Variants in BRSK2 observed in about 807,000 individuals in gnomAD.
BRSK2 encodes BR serine/threonine kinase 2, also known as serine/threonine-protein kinase BRSK2.
In BRSK2, 19 loss-of-function variants were observed where a neutral mutation model predicts 83.3. The ratio of observed to expected loss-of-function variants is 0.23; its 90% confidence interval spans 0.16 to 0.33. The LOEUF (loss-of-function observed/expected upper bound fraction) is 0.33. Ranked by LOEUF, BRSK2 falls within the 10% of genes least tolerant of loss-of-function variation. The pLI, the probability that BRSK2 is intolerant of heterozygous loss-of-function variation, is 1.00. For synonymous variants in BRSK2, 519 were observed against 435.4 expected (o/e 1.19, Z -2.39); for missense variants, 798 against 1,042.3 (o/e 0.77, Z 3.23).
chr11:1,390,406 G>A lies in BRSK2; in HGVS notation c.91+31G>A. ...TGCGGCCGGGGCGGGGACCGGGGCCGGGGAGGCCGCGCTGGCAGCGCGCTG... is the reference window on the plus strand; with the variant it reads ...TGCGGCCGGGGCGGGGACCGGGGCCAGGGAGGCCGCGCTGGCAGCGCGCTG... On this transcript the variant is annotated intron_variant, in intron 1 of 19. Coordinates refer to ENST00000528841, the MANE Select transcript of BRSK2 (RefSeq NM_001256627.2). This position sits in a 1 kb window ranked among gnomAD's most constrained non-coding sequence, Gnocchi z 6.8. 5.0e-6 allele frequency: 5 copies of A among 1,003,276 alleles called. No homozygotes were observed. The highest frequency in any genetic ancestry group is 4.8e-6 in the Non-Finnish European group (4 of 834,822). 62.1% of individuals were successfully genotyped at this position (1,003,276 alleles called of 1,614,324 possible). A position where few individuals can be genotyped will look rare whatever the true frequency, so the allele number is the denominator to read the frequency against.
intron 19 of BRSK2, among the ~76,000 whole-genome samples, chr11:1,459,663 G>A (rs991838575): frequency 1.3e-5 from 2 of 152,224 alleles, no homozygotes; most frequent in Non-Finnish European, 2.9e-5. Flanking sequence ...CTTAGGAAGT[G>A]GGATTGAGGG....
chr11:1,424,136 C>T (rs912790125), intron 1 of BRSK2, among the ~76,000 whole-genome samples: 4 of 152,218 alleles, frequency 2.6e-5, no homozygotes, highest in Non-Finnish European at 4.4e-5. Flanking sequence ...ACCCCCACAT[C>T]CTCCAGCTGT....
chr11:1,435,180 G>A (rs544886892), intron 1 of BRSK2, among the ~76,000 whole-genome samples: 84 of 150,496 alleles, frequency 5.6e-4, no homozygotes, highest in Non-Finnish European at 9.6e-4. Flanking sequence ...ACACAGGGCC[G>A]GGGCTCAGGT....
intron 9 of BRSK2, 29 bp from the exon 10 acceptor site, chr11:1,445,265 T>G: frequency 6.3e-7 from 1 of 1,583,956 alleles, no homozygotes; most frequent in Non-Finnish European, 8.6e-7. Context: ...CCGGAGCTGA[T>G]GAGCGGGTGG....
At chr11:1,409,805 G>A (rs996545089) in intron 1 of BRSK2, 1 of 152,146 alleles carries the variant, frequency 6.6e-6, no homozygotes. Flanking sequence ...CGGAGACACA[G>A]GTTTTCTGAG....
Position 1,442,580 on chromosome 11 carries a change from C to T in BRSK2, c.504C>T (p.Gly168=), listed in dbSNP as rs765278899. The change falls in exon 5 of 20, where the codon GGC becomes GGT. Residue 168 remains glycine, a synonymous_variant. Coordinates refer to ENST00000528841, the MANE Select transcript of BRSK2 (RefSeq NM_001256627.2). ...ADFGMASLQV[G]DSLLETSCGS... ...TTGGCATGGCGTCCCTGCAGGTTGG[C>T]GACAGCCTGTTGGAGACCAGCTGTG... 3.1e-6 allele frequency: 5 copies of T among 1,612,528 alleles called. No individual in the cohort carries two copies. The highest frequency in any genetic ancestry group is 1.7e-5 in the Admixed American group (1 of 59,978).
chr11:1,393,376 G>T (rs1036788424), intron 1 of BRSK2, among the ~76,000 whole-genome samples: 1 of 152,178 alleles, frequency 6.6e-6, no homozygotes, highest in African/African-American at 2.4e-5. Flanking sequence ...TCGGGCCCTT[G>T]GAGCTGTTCT....
intron 1 of BRSK2, among the ~76,000 whole-genome samples, chr11:1,409,056 A>T (rs11025811): frequency 0.4 from 60,719 of 151,870 alleles, 12,878 homozygotes; most frequent in Non-Finnish European, 0.46. Flanking sequence ...CTGTACAGGG[A>T]TGTGTGTGTA....
chr11:1,445,106 T>C, intron 9 of BRSK2, 104 bp downstream of exon 9: 1 of 1,520,142 alleles, frequency 6.6e-7, no homozygotes, highest in Non-Finnish European at 9.1e-7. Context: ...GCGCAGGTCC[T>C]GCCCTGCCTT....
Position 1,449,807 on chromosome 11 carries a change from C to T in BRSK2, c.1258C>T (p.Leu420Phe). ...GTCCATCAGCGGTGCCTCCTCAGGC[C>T]TTTCCACCAGCCCACTCAGCAGCCC... ...SRSISGASSG[L>F]STSPLSSPRV... The change falls in exon 13 of 20, where the codon CTT becomes TTT. Residue 420 changes from leucine to phenylalanine, a missense_variant. Around this residue, in one of 6 missense-constraint regions of BRSK2, gnomAD observed 455 missense variants for 455.2 expected, o/e 1.00. Transcript: ENST00000528841. 1.2e-6 allele frequency: 2 copies of T among 1,612,262 alleles called. No homozygotes were observed. The highest frequency in any genetic ancestry group is 1.7e-6 in the Non-Finnish European group (2 of 1,179,544).
In BRSK2 at chr11:1,456,436, C is replaced by A; in HGVS notation, c.1757C>A (p.Pro586Gln). The A allele has an allele frequency of 6.3e-7, 1 of 1,593,344 alleles. No homozygotes were observed. Among genetic ancestry groups the A allele is most frequent in the Non-Finnish European group, 8.5e-7 (1 of 1,171,100 alleles). The change falls in exon 17 of 20, where the codon CCG (proline) becomes CAG (glutamine). Residue 586 changes from proline to glutamine, a missense_variant. Transcript: ENST00000528841. ...GGGGGGCCAGCCGTGTTCCAGAAGCCGGTCAAGTTCCAGGTTGATATCACC... is the reference window on the plus strand; with the variant it reads ...GGGGGGCCAGCCGTGTTCCAGAAGCAGGTCAAGTTCCAGGTTGATATCACC... ...ATGGPAVFQK[P>Q]VKFQVDITYT...
chr11:1,451,350 C>T (rs756391929), intron 14 of BRSK2, 21 bp from the exon 15 acceptor site: 135 of 1,612,732 alleles, frequency 8.4e-5, no homozygotes, highest in Non-Finnish European at 1.0e-4. Flanking sequence ...GCCTTTCCTC[C>T]TGTTCATCCT....
intron 1 of BRSK2, among the ~76,000 whole-genome samples, chr11:1,419,329 C>T (rs949510857): frequency 3.3e-5 from 5 of 152,172 alleles, no homozygotes; most frequent in South Asian, 2.1e-4. Context: ...GGCCCTGGGA[C>T]GTGATTCCCT....
At chr11:1,400,833 G>A (rs1469990651) in intron 1 of BRSK2, among the ~76,000 whole-genome samples, 1 of 152,214 alleles carries the variant, frequency 6.6e-6, no homozygotes, top group Non-Finnish European at 1.5e-5. Flanking sequence ...CAGGGCTAGG[G>A]CCCTTCCTGT....
rs368041258 is a variant in BRSK2 at position 1,425,304 on chromosome 11, T to TG, written c.92-10730dup. ...AGGCTGGGCTGGAGGGGCTGCTTCC[T>TG]GGGGGGTCCCGCAGGCTGTGTGGGG... On this transcript the variant is annotated intron_variant, in intron 1 of 19. Coordinates refer to ENST00000528841, the MANE Select transcript of BRSK2 (RefSeq NM_001256627.2). Among the ~76,000 whole-genome samples, 1,139 of 152,258 alleles carry TG rather than the reference T, an allele frequency of 7.5e-3. 14 individuals carry two copies. The highest frequency in any genetic ancestry group is 0.026 in the African/African-American group (1,081 of 41,546).
intron 4 of BRSK2, 96 bp from the exon 5 acceptor site, chr11:1,442,394 T>C (rs1851463130): frequency 3.4e-6 from 3 of 877,000 alleles, no homozygotes; most frequent in Non-Finnish European, 3.8e-6. Flanking sequence ...GATTGGCGTT[T>C]GGAGAGGCAG....
intron 1 of BRSK2, among the ~76,000 whole-genome samples, chr11:1,392,772 AT>A (rs1438083660): frequency 6.6e-6 from 1 of 152,176 alleles, no homozygotes; most frequent in Non-Finnish European, 1.5e-5. Flanking sequence ...TGAGCGCTGC[AT>A]GGTCTCACCT....
At chr11:1,458,138 C>A (rs1316032470) in intron 18 of BRSK2, among the ~76,000 whole-genome samples, 5 of 152,068 alleles carry the variant, frequency 3.3e-5, no homozygotes, top group Non-Finnish European at 5.9e-5. Flanking sequence ...GTAGGGCAAG[C>A]AGAAACGGGC....
intron 5 of BRSK2, 145 bp from the exon 6 acceptor site, chr11:1,442,961 C>G: frequency 2.0e-6 from 2 of 999,774 alleles, no homozygotes; most frequent in Non-Finnish European, 2.9e-6. Context: ...CTCCCAAAAG[C>G]CCGCCTGGGG....
Sources: gnomAD v4.1 joint callset for allele counts (sites outside exome capture counted in the v4.1 genomes callset) on GRCh38, gnomAD v4.1.1 for gene constraint, gnomAD v4.1.1 regional missense constraint, Gnocchi (gnomAD v3.1) non-coding constraint, MANE v1.5 for transcripts, NCBI Gene and HGNC (gene_info 2026-07-23, HGNC 2026-07-21) for gene names.